Variants in KIF26B observed in about 807,000 individuals in gnomAD.
KIF26B encodes the protein kinesin-like protein KIF26B.
Under a neutral mutation model 151.2 loss-of-function variants are expected in KIF26B, and 63 were observed. The observed-to-expected ratio is 0.42, with a 90% confidence interval of 0.34 to 0.51. KIF26B has a LOEUF of 0.51. Ranked by LOEUF, KIF26B falls within the 20% of genes least tolerant of loss-of-function variation. The pLI, the probability that KIF26B is intolerant of heterozygous loss-of-function variation, is 0.07. For missense variants in KIF26B, 2,813 were observed against 2,913.6 expected (o/e 0.97, Z 0.79); for synonymous variants, 1,357 against 1,262.1 (o/e 1.08, Z -1.59).
At chr1:245,424,801 T>G (rs1330184413) in intron 4 of KIF26B, among the ~76,000 whole-genome samples, 1 of 152,222 alleles carries the variant, frequency 6.6e-6, no homozygotes, top group East Asian at 1.9e-4. Flanking sequence ...CCGGATAGTT[T>G]GAGATGCACT....
chr1:245,649,779 A>G (rs1376406931), intron 10 of KIF26B, among the ~76,000 whole-genome samples: 4 of 150,484 alleles, frequency 2.7e-5, no homozygotes, highest in Admixed American at 6.7e-5. Flanking sequence ...TGCTCCTGGG[A>G]AATTCGCTGC....
At chr1:245,627,287 T>C (rs1258252812) in intron 9 of KIF26B, among the ~76,000 whole-genome samples, 1 of 152,202 alleles carries the variant, frequency 6.6e-6, no homozygotes, top group African/African-American at 2.4e-5. Flanking sequence ...ATTGAGTCTG[T>C]AGATTGCTTT....
At chr1:245,592,663 A>AC (rs1471763307) in intron 5 of KIF26B, among the ~76,000 whole-genome samples, 2 of 118,568 alleles carry the variant, frequency 1.7e-5, no homozygotes, top group Non-Finnish European at 3.5e-5. Context: ...CTGCCCTCCC[A>AC]CCCCCAAACT....
intron 9 of KIF26B, among the ~76,000 whole-genome samples, chr1:245,625,627 A>G (rs2043715724): frequency 6.6e-6 from 1 of 152,174 alleles, no homozygotes; most frequent in African/African-American, 2.4e-5. Context: ...TGTTGGGAAC[A>G]TTTCATTATT....
intron 5 of KIF26B, among the ~76,000 whole-genome samples, chr1:245,561,902 C>G (rs79315037): frequency 2.6e-5 from 4 of 152,284 alleles, no homozygotes; most frequent in Non-Finnish European, 5.9e-5. Context: ...AGAGGTGGTC[C>G]TGCCTCTTCT....
chr1:245,498,065 T>G (rs2103077242), intron 4 of KIF26B, among the ~76,000 whole-genome samples: 1 of 152,374 alleles, frequency 6.6e-6, no homozygotes, highest in South Asian at 2.1e-4. Flanking sequence ...AACTTGCAGT[T>G]GATTTTTCAA....
intron 2 of KIF26B, among the ~76,000 whole-genome samples, chr1:245,294,681 A>C (rs1420930668): frequency 6.6e-6 from 1 of 151,914 alleles, no homozygotes. Flanking sequence ...TTTCCCTGAG[A>C]CAGAGTCCCG....
intron 4 of KIF26B, among the ~76,000 whole-genome samples, chr1:245,522,288 GAAA>G (rs1357876579): frequency 6.6e-6 from 1 of 152,234 alleles, no homozygotes; most frequent in Non-Finnish European, 1.5e-5. Context: ...GTGCATTAAA[GAAA>G]ATGATACTGC....
At chr1:245,326,141 G>A (rs561752743) in intron 2 of KIF26B, among the ~76,000 whole-genome samples, 10 of 152,130 alleles carry the variant, frequency 6.6e-5, no homozygotes, top group Non-Finnish European at 1.5e-4. Flanking sequence ...AAAGTAAGGC[G>A]TGTTCTTCAC....
At chr1:245,409,163 T>A (rs899902860) in intron 3 of KIF26B, among the ~76,000 whole-genome samples, 6 of 152,234 alleles carry the variant, frequency 3.9e-5, no homozygotes, top group Non-Finnish European at 8.8e-5. Context: ...TTCACATGCA[T>A]ATGTGCAAAA....
chr1:245,310,933 A>G (rs1671654629), intron 2 of KIF26B, among the ~76,000 whole-genome samples: 1 of 152,124 alleles, frequency 6.6e-6, no homozygotes, highest in Non-Finnish European at 1.5e-5. Context: ...GCTCCCAAGT[A>G]TCAGAGCAGG....
intron 2 of KIF26B, among the ~76,000 whole-genome samples, chr1:245,229,795 T>C (rs1333253879): frequency 6.6e-6 from 1 of 152,194 alleles, no homozygotes; most frequent in Non-Finnish European, 1.5e-5. Flanking sequence ...ATTTCTTTAT[T>C]CATTCTCCTG....
chr1:245,202,481 G>A (rs541130335), intron 2 of KIF26B, among the ~76,000 whole-genome samples: 8 of 152,220 alleles, frequency 5.3e-5, no homozygotes, highest in South Asian at 2.1e-4. Flanking sequence ...TGAAGTGGCC[G>A]GGCGCAGTGG....
chr1:245,635,307 T>A (rs1358542519), intron 9 of KIF26B, among the ~76,000 whole-genome samples: 1 of 152,122 alleles, frequency 6.6e-6, no homozygotes, highest in Non-Finnish European at 1.5e-5. Context: ...AGATTCTATT[T>A]CTTTAATGAA....
chr1:245,350,173 G>C (rs552390839), intron 2 of KIF26B, among the ~76,000 whole-genome samples: 1 of 152,210 alleles, frequency 6.6e-6, no homozygotes, highest in South Asian at 2.1e-4. Context: ...GGGTAGCTTA[G>C]CTTGTTCAGA....
At chr1:245,195,019 C>A (rs1182270255) in intron 2 of KIF26B, among the ~76,000 whole-genome samples, 1 of 152,146 alleles carries the variant, frequency 6.6e-6, no homozygotes, top group East Asian at 1.9e-4. Flanking sequence ...ATAAAGGCAA[C>A]TAGTTGGGAG....
At position 245,367,515 on chromosome 1, in the gene KIF26B, G is replaced by A. The variant is rs1395804870; in HGVS notation, c.999+148G>A. On this transcript the variant is annotated intron_variant, in intron 3 of 14. Coordinates refer to ENST00000407071, the MANE Select transcript of KIF26B (RefSeq NM_018012.4). The surrounding 1 kb of genome is among the most constrained non-coding windows in gnomAD (Gnocchi z 4.2). ...GTGGCCCCCACAGAGTTCTCATCAA[G>A]GTGCCCCACCCGGGCCTGCCTGCTT... The A allele has an allele frequency of 1.2e-6, 1 of 808,924 alleles. No homozygotes were observed. The highest frequency in any genetic ancestry group is 1.9e-6 in the Non-Finnish European group (1 of 527,162). The allele number at this position is 808,924 out of a possible 1,614,324, so 50.1% of individuals were successfully genotyped here.
chr1:245,577,622 C>G (rs572004864), intron 5 of KIF26B, among the ~76,000 whole-genome samples: 1 of 148,534 alleles, frequency 6.7e-6, no homozygotes, highest in South Asian at 2.1e-4. Flanking sequence ...GGCAGTGCAT[C>G]CCCTACACGG....
intron 2 of KIF26B, among the ~76,000 whole-genome samples, chr1:245,309,706 A>G (rs1414160607): frequency 6.8e-6 from 1 of 147,928 alleles, no homozygotes; most frequent in East Asian, 1.9e-4. Flanking sequence ...TGATATATAT[A>G]TATTAGGTAT....
Sources: gnomAD v4.1 joint callset for allele counts (sites outside exome capture counted in the v4.1 genomes callset) on GRCh38, gnomAD v4.1.1 for gene constraint, Gnocchi (gnomAD v3.1) non-coding constraint, MANE v1.5 for transcripts, NCBI Gene and HGNC (gene_info 2026-07-23, HGNC 2026-07-21) for gene names.